SLC36A1: variants seen among roughly 807,000 people sequenced by gnomAD.
SLC36A1 encodes solute carrier family 36 member 1.
SLC36A1 carries 30 observed loss-of-function variants against 47.5 expected under a neutral mutation model. The observed-to-expected ratio is 0.63, with a 90% CI of 0.47 to 0.86. SLC36A1 has a LOEUF of 0.86. SLC36A1 is among the 40% of genes least tolerant of loss of function. The probability of loss-of-function intolerance (pLI) is 0.00; values close to 1 mark genes in which losing one functional copy is unlikely to be tolerated. For synonymous variants in SLC36A1, 255 were observed against 249.7 expected (o/e 1.02, Z -0.20); for missense variants, 517 against 606.0 (o/e 0.85, Z 1.54).
At chr5:151,525,063 C>A in the SLC36A1 span, among the ~76,000 whole-genome samples, 2 of 152,244 alleles carry the variant, frequency 1.3e-5, no homozygotes, top group African/African-American at 4.8e-5. Flanking sequence ...TTCCTAGCAG[C>A]TTGCAAATGG....
rs1300570915 is a variant in SLC36A1 at position 151,473,752 on chromosome 5, C to A, written c.803C>A (p.Ser268Ter). 6.2e-7 allele frequency: 1 copy of A among 1,613,618 alleles called. No homozygotes were observed. Among genetic ancestry groups the A allele is most frequent in the Admixed American group, 1.7e-5 (1 of 60,006 alleles). The part of the protein sequence containing the change: ...YPLFFGTAIF[S>*]FEGIGMVLPL... ...CTCTTCTTTGGCACAGCGATTTTTT[C>A]ATTTGAAGGCATTGGAATGGTAAGA... The change falls in exon 8 of 11, where the codon TCA becomes TAA. Residue 268 changes from serine to a stop codon, truncating the protein, a stop_gained. Transcript: ENST00000243389. LOFTEE classifies it high-confidence loss of function.
At chr5:151,418,778 T>C in the SLC36A1 span, among the ~76,000 whole-genome samples, 1 of 152,124 alleles carries the variant, frequency 6.6e-6, no homozygotes, top group Non-Finnish European at 1.5e-5. Flanking sequence ...AGGGAGGGCA[T>C]GATTGGTTTT....
chr5:151,351,583 A>C, the SLC36A1 span, among the ~76,000 whole-genome samples: 2 of 151,778 alleles, frequency 1.3e-5, no homozygotes, highest in Non-Finnish European at 2.9e-5. Flanking sequence ...GCAGGTGTCA[A>C]CTCTTATGAC....
chr5:151,536,333 G>A, the SLC36A1 span, among the ~76,000 whole-genome samples: 1 of 152,154 alleles, frequency 6.6e-6, no homozygotes, highest in Non-Finnish European at 1.5e-5. Flanking sequence ...CCCTGCTGGG[G>A]TTAGGAAGGA....
At chr5:151,514,321 G>A in the SLC36A1 span, among the ~76,000 whole-genome samples, 15 of 152,196 alleles carry the variant, frequency 9.9e-5, no homozygotes, top group South Asian at 4.2e-4. Flanking sequence ...TGATCCCACC[G>A]TCTTTTCATT....
chr5:151,390,344 C>A, the SLC36A1 span, among the ~76,000 whole-genome samples: 2 of 152,150 alleles, frequency 1.3e-5, no homozygotes, highest in African/African-American at 4.8e-5. Flanking sequence ...ATTTTTCTCC[C>A]ATTCTGTAGG....
At chr5:151,371,824 G>T in the SLC36A1 span, among the ~76,000 whole-genome samples, 1 of 152,124 alleles carries the variant, frequency 6.6e-6, no homozygotes, top group East Asian at 1.9e-4. Context: ...GGGGATAAAT[G>T]TGTACTGATC....
the SLC36A1 span, chr5:151,522,172 CG>C: frequency 1.8e-6 from 2 of 1,109,130 alleles, no homozygotes; most frequent in African/African-American, 3.1e-5. Context: ...TGTGGAGCTA[CG>C]TTTCTCTGCC....
chr5:151,378,930 A>G, the SLC36A1 span, among the ~76,000 whole-genome samples: 9 of 152,256 alleles, frequency 5.9e-5, no homozygotes, highest in African/African-American at 1.9e-4. Flanking sequence ...CAATGGATGG[A>G]CACCCGTATC....
At chr5:151,408,028 G>C in the SLC36A1 span, among the ~76,000 whole-genome samples, 1 of 152,096 alleles carries the variant, frequency 6.6e-6, no homozygotes, top group African/African-American at 2.4e-5. Flanking sequence ...TACAAAGCAG[G>C]GATTATTATC....
At chr5:151,449,748 G>A (rs1753346713) in intron 1 of SLC36A1, among the ~76,000 whole-genome samples, 1 of 152,222 alleles carries the variant, frequency 6.6e-6, no homozygotes, top group South Asian at 2.1e-4. Context: ...ACTGAGCACG[G>A]AGCTCCCTGT....
the SLC36A1 span, chr5:151,512,084 A>C: frequency 7.3e-7 from 1 of 1,370,442 alleles, no homozygotes; most frequent in South Asian, 1.4e-5. This position sits in a 1 kb window ranked among gnomAD's most constrained non-coding sequence, Gnocchi z 4.1. Flanking sequence ...AGGCTCTGAG[A>C]TCTCCACCCT....
At chr5:151,412,480 A>G in the SLC36A1 span, 20 of 144,270 alleles carry the variant, frequency 1.4e-4, 2 homozygotes, top group East Asian at 1.9e-3. Context: ...ACATACACAC[A>G]CATACACACG....
the SLC36A1 span, chr5:151,382,148 C>G: frequency 1.1e-6 from 1 of 941,860 alleles, no homozygotes; most frequent in Non-Finnish European, 1.7e-6. Flanking sequence ...ACAGTGCAGA[C>G]TCTGAATTGA....
chr5:151,481,745 G>A (rs891158862), intron 10 of SLC36A1, among the ~76,000 whole-genome samples: 2 of 151,948 alleles, frequency 1.3e-5, no homozygotes, highest in African/African-American at 2.4e-5. Context: ...TCAAACAGTT[G>A]GAGAAGAGGG....
chr5:151,409,168 T>G, the SLC36A1 span, among the ~76,000 whole-genome samples: 1 of 123,214 alleles, frequency 8.1e-6, no homozygotes, highest in East Asian at 2.3e-4. Flanking sequence ...CCTAGACAAT[T>G]TTTTGTGTTT....
chr5:151,505,514 AG>A, the SLC36A1 span: 1 of 1,603,198 alleles, frequency 6.2e-7, no homozygotes, highest in Non-Finnish European at 8.5e-7. Context: ...GGAAGAAATA[AG>A]CCAAGTCCAG....
chr5:151,487,425 C>T (rs1255241523), intron 10 of SLC36A1, among the ~76,000 whole-genome samples: 4 of 151,996 alleles, frequency 2.6e-5, no homozygotes, highest in East Asian at 1.9e-4. Context: ...TGTGGGGCTT[C>T]GCCAGGGGTC....
the SLC36A1 span, among the ~76,000 whole-genome samples, chr5:151,377,347 C>CTTTTTTT: frequency 1.1e-3 from 138 of 120,258 alleles, 1 homozygote; most frequent in East Asian, 2.0e-3. Context: ...CTGTCTCTTT[C>CTTTTTTT]TTTTTTTTTT....
Sources: allele counts gnomAD v4.1 joint callset (sites outside exome capture counted in the v4.1 genomes callset), GRCh38; gene constraint gnomAD v4.1.1; non-coding constraint Gnocchi (gnomAD v3.1); transcripts MANE v1.5; gene names NCBI Gene and HGNC (gene_info 2026-07-23, HGNC 2026-07-21).